Variants in ZC3HAV1 observed in about 807,000 individuals in gnomAD.
ZC3HAV1 encodes the protein zinc finger CCCH-type antiviral protein 1.
ZC3HAV1 carries 41 observed loss-of-function variants against 86.6 expected under a neutral mutation model. The observed-to-expected ratio is 0.47, with a 90% confidence interval of 0.37 to 0.61. The LOEUF (loss-of-function observed/expected upper bound fraction) is 0.61. Among genes scored for constraint, ZC3HAV1 ranks in the 20% least tolerant of loss-of-function variants. The pLI is 0.00. For synonymous variants in ZC3HAV1, 421 were observed against 432.1 expected, an observed-to-expected ratio of 0.97 and a Z score of 0.32; for missense variants, 964 against 1,141.1, an observed-to-expected ratio of 0.84 and a Z score of 2.24.
chr7:139,106,998 C>T (rs1410903401), intron 1 of ZC3HAV1, among the ~76,000 whole-genome samples: 2 of 151,676 alleles, frequency 1.3e-5, no homozygotes, highest in Non-Finnish European at 2.9e-5. Context: ...TGAAAATATC[C>T]ATAGTAAGAA....
intron 3 of ZC3HAV1, among the ~76,000 whole-genome samples, chr7:139,083,021 G>T (rs1246298641): frequency 6.6e-6 from 1 of 152,124 alleles, no homozygotes; most frequent in Non-Finnish European, 1.5e-5. Context: ...ATATTCAGGT[G>T]TGAAATGTCA....
At chr7:139,105,740 G>C (rs1817915438) in intron 1 of ZC3HAV1, among the ~76,000 whole-genome samples, 1 of 152,290 alleles carries the variant, frequency 6.6e-6, no homozygotes, top group African/African-American at 2.4e-5. Flanking sequence ...GAATAGTAAT[G>C]TCAAGATGGG....
At chr7:139,073,759 G>A in intron 7 of ZC3HAV1, 97 bp downstream of exon 7, 2 of 1,288,320 alleles carry the variant, frequency 1.6e-6, no homozygotes, top group Non-Finnish European at 2.1e-6. Context: ...CCAAAGTGCT[G>A]GGCTTACAGG....
Position 139,047,730 on chromosome 7 carries a change from G to C in ZC3HAV1, c.2573C>G (p.Thr858Arg). The change falls in exon 13 of 13, where the codon ACG (threonine) becomes AGG (arginine). Residue 858 changes from threonine to arginine, a missense_variant. By Grantham distance (71) the Thr-to-Arg change is moderately conservative. Transcript: ENST00000242351. ...GCTGTCGAACTGTGGAGGAGGGCTC[G>C]TGTACGTTATATTTCCTTCAGTAAA... is the stretch of plus-strand genomic sequence containing the variant. ...GKFTEGNITY[T>R]SPPPQFDSCV... 1 of 1,614,158 alleles carries C rather than the reference G, an allele frequency of 6.2e-7. No homozygotes were observed. Among genetic ancestry groups the C allele is most frequent in the Non-Finnish European group, 8.5e-7 (1 of 1,180,034 alleles).
intron 1 of ZC3HAV1, among the ~76,000 whole-genome samples, chr7:139,092,150 C>G (rs895231355): frequency 1.3e-5 from 2 of 152,140 alleles, no homozygotes; most frequent in Admixed American, 6.5e-5. Flanking sequence ...GTGATAGATG[C>G]GGGACTTTGG....
intron 1 of ZC3HAV1, among the ~76,000 whole-genome samples, chr7:139,107,262 A>G (rs1216628349): frequency 1.3e-5 from 2 of 152,220 alleles, no homozygotes; most frequent in Admixed American, 1.3e-4. Context: ...CATAACTCCC[A>G]GCAACTCAGA....
chr7:139,066,159 T>A (rs74560622), intron 7 of ZC3HAV1, among the ~76,000 whole-genome samples: 7,863 of 152,116 alleles, frequency 0.052, 671 homozygotes, highest in African/African-American at 0.18. Context: ...GTGAGGAGAC[T>A]CTTGTTTCCT....
At position 139,046,859 on chromosome 7, in the gene ZC3HAV1, T is replaced by G. The variant is rs1815968745; in HGVS notation, c.*735A>C. On this transcript the variant is annotated 3_prime_UTR_variant, in exon 13 of 13. Coordinates refer to ENST00000242351, the MANE Select transcript of ZC3HAV1 (RefSeq NM_020119.4). ...TTAGATTTCTCCCAAATTTTCCAAA[T>G]TAACTTTCTTTCAATGTAACCAAAA... is the stretch of plus-strand genomic sequence containing the variant. 1 of 152,228 alleles carries G rather than the reference T, an allele frequency of 6.6e-6. No individual in the cohort carries two copies. Among genetic ancestry groups the G allele is most frequent in the Non-Finnish European group, 1.5e-5 (1 of 68,046 alleles). The allele number at this position is 152,228 out of a possible 1,614,324, so 9.4% of individuals were successfully genotyped here. A position where few individuals can be genotyped will look rare whatever the true frequency, so the allele number is the denominator to read the frequency against.
intron 3 of ZC3HAV1, among the ~76,000 whole-genome samples, chr7:139,082,287 A>G (rs537958115): frequency 1.1e-4 from 16 of 152,122 alleles, no homozygotes; most frequent in African/African-American, 3.9e-4. Flanking sequence ...AAAGAAAAAA[A>G]AAAGTAATAG....
rs1273921748 is a variant in ZC3HAV1, at chr7:139,047,472, TG to T, written c.*121del. ...ATATGTAGCAAAATTTGGGGACCAC[TG>T]ATCTAAGACATTAGATAACTGAGCA... is the stretch of plus-strand genomic sequence containing the variant. On this transcript the variant is annotated 3_prime_UTR_variant, in exon 13 of 13. Coordinates refer to ENST00000242351, the MANE Select transcript of ZC3HAV1 (RefSeq NM_020119.4). 7.1e-7 allele frequency: 1 copy of T among 1,412,214 alleles called. No homozygotes were observed. Among genetic ancestry groups the T allele is most frequent in the Admixed American group, 2.3e-5 (1 of 43,458 alleles). The allele number at this position is 1,412,214 out of a possible 1,614,324, so 87.5% of individuals were successfully genotyped here.
intron 9 of ZC3HAV1, chr7:139,060,344 T>C (rs1027449172): frequency 5.0e-5 from 49 of 985,362 alleles, no homozygotes; most frequent in Non-Finnish European, 5.9e-5. Context: ...AAAATGTTCA[T>C]GAACAATGTA....
intron 7 of ZC3HAV1, among the ~76,000 whole-genome samples, chr7:139,073,609 G>GA (rs1816845643): frequency 6.6e-6 from 1 of 152,064 alleles, no homozygotes; most frequent in Non-Finnish European, 1.5e-5. Context: ...TCCTGCCTCA[G>GA]CCTCCAGAGT....
intron 9 of ZC3HAV1, chr7:139,060,651 G>T: frequency 9.2e-7 from 1 of 1,085,368 alleles, no homozygotes; most frequent in Non-Finnish European, 1.1e-6. Flanking sequence ...GACCAGCCTG[G>T]GCAACAAAGT....
intron 8 of ZC3HAV1, among the ~76,000 whole-genome samples, chr7:139,063,720 T>C (rs1206900663): frequency 4.1e-5 from 5 of 122,506 alleles, no homozygotes; most frequent in Non-Finnish European, 8.1e-5. Context: ...TGGGACCCTG[T>C]CTCAAAAAAA....
At position 139,101,278 on chromosome 7, in the gene ZC3HAV1, T is replaced by C. The variant is rs1254070882; in HGVS notation, c.308+7746A>G. ...CCCTGCCGCCACCCCGTCTGGGAAG[T>C]GAGGAGCGTCTCTGCCTGGCCGCCC... On this transcript the variant is annotated intron_variant, in intron 1 of 12. Transcript: ENST00000242351. Among the ~76,000 whole-genome samples, 23 of 151,014 alleles carry C rather than the reference T, an allele frequency of 1.5e-4. No homozygotes were observed. In the East Asian group the frequency reaches 4.4e-3, roughly 29 times the overall value.
In ZC3HAV1 at chr7:139,109,436, G is replaced by A; in HGVS notation, c.-105C>T. ...AGGGGCGGGCGCGGGCGGTGCTACT[G>A]CTGGGCGCGCCCGGAGTCAGCGAGG... On this transcript the variant is annotated 5_prime_UTR_variant, in exon 1 of 13. Coordinates refer to ENST00000242351, the MANE Select transcript of ZC3HAV1 (RefSeq NM_020119.4). The A allele has an allele frequency of 1.6e-5, 22 of 1,378,948 alleles. No homozygotes were observed. The highest frequency in any genetic ancestry group is 2.1e-5 in the Non-Finnish European group (22 of 1,051,172). The allele number at this position is 1,378,948 out of a possible 1,614,324, so 85.4% of individuals were successfully genotyped here. A position where few individuals can be genotyped will look rare whatever the true frequency, so the allele number is the denominator to read the frequency against.
At chr7:139,097,890 G>A (rs1181846100) in intron 1 of ZC3HAV1, among the ~76,000 whole-genome samples, 1 of 151,944 alleles carries the variant, frequency 6.6e-6, no homozygotes, top group East Asian at 1.9e-4. Context: ...TATCTAGAGT[G>A]TTGTGATGGT....
chr7:139,105,261 T>A (rs1817901924), intron 1 of ZC3HAV1, among the ~76,000 whole-genome samples: 1 of 151,986 alleles, frequency 6.6e-6, no homozygotes, highest in Non-Finnish European at 1.5e-5. Flanking sequence ...CAAATACCAA[T>A]CCTGCCAGCT....
rs375990788 is a variant in ZC3HAV1, at chr7:139,079,968, C to T, written c.973G>A (p.Gly325Arg). 9 of 1,614,048 alleles carry T rather than the reference C, an allele frequency of 5.6e-6. No individual in the cohort carries two copies. The highest frequency in any genetic ancestry group is 1.3e-5 in the African/African-American group (1 of 74,926). ...TTCTCTAAAAACCTCTGGCTTGTCC[C>T]GGCCTGACTTGTTCCTCCAAGATCA... ...ATDLGGTSQA[G>R]TSQRFLENGS... Residue 325 changes from glycine to arginine, a missense_variant, in exon 4 of 13, where the codon GGG becomes AGG. By Grantham distance (125) the Gly-to-Arg change is moderately radical. Coordinates refer to ENST00000242351, the MANE Select transcript of ZC3HAV1 (RefSeq NM_020119.4).
Sources: allele counts gnomAD v4.1 joint callset (sites outside exome capture counted in the v4.1 genomes callset), GRCh38; gene constraint gnomAD v4.1.1; transcripts MANE v1.5; gene names NCBI Gene and HGNC (gene_info 2026-07-23, HGNC 2026-07-21).